The following CLHC1 variants were observed in gnomAD, a reference collection of about 807,000 sequenced individuals.
CLHC1 encodes clathrin heavy chain linker domain-containing protein 1.
Under a neutral mutation model 69.5 loss-of-function variants are expected in CLHC1, and 72 were observed. The ratio of observed to expected loss-of-function variants is 1.04; its 90% CI spans 0.86 to 1.26. The LOEUF (loss-of-function observed/expected upper bound fraction) is 1.26, where lower values mean the gene tolerates loss of function less well. Among genes scored for constraint, CLHC1 ranks in the 50% most tolerant of loss-of-function variants. CLHC1 has a pLI of 0.00. For missense variants in CLHC1, 790 were observed against 679.3 expected (o/e 1.16, Z -1.81); for synonymous variants, 223 against 224.3 (o/e 0.99, Z 0.05).
chr2:55,210,465 G>A (rs1265198509), intron 5 of CLHC1, among the ~76,000 whole-genome samples: 1 of 152,062 alleles, frequency 6.6e-6, no homozygotes, highest in Non-Finnish European at 1.5e-5. Flanking sequence ...CAAAGTGCTG[G>A]GATTACAGGT....
At chr2:55,217,552 A>ATACATATATATAT (rs1444474980) in intron 4 of CLHC1, among the ~76,000 whole-genome samples, 1 of 43,156 alleles carries the variant, frequency 2.3e-5, no homozygotes, top group African/African-American at 1.2e-4. Flanking sequence ...AAAAAAAAAA[A>ATACATATATATAT]ATATATATAT....
rs746120253 is a variant in CLHC1 at position 55,177,622 on chromosome 2, T to C, written c.1544A>G (p.Glu515Gly). 5 of 1,604,756 alleles carry C rather than the reference T, an allele frequency of 3.1e-6. No homozygotes were observed. The highest frequency in any genetic ancestry group is 1.1e-5 in the South Asian group (1 of 89,904). ...CTTACCTATCCCACCTTTATTGATTTCTTGAAGTAGCTTAATGCCAACTTT... is the reference window on the plus strand; with the variant it reads ...CTTACCTATCCCACCTTTATTGATTCCTTGAAGTAGCTTAATGCCAACTTT... The part of the protein sequence containing the change: ...MKKVGIKLLQ[E>G]INKGGIDAVE... The change falls in exon 12 of 13, where the codon GAA becomes GGA. Residue 515 changes from glutamate (E) to glycine (G), a missense_variant. Glu to Gly is a moderately conservative substitution (Grantham distance 98). Coordinates refer to ENST00000401408, the MANE Select transcript of CLHC1 (RefSeq NM_152385.4).
intron 3 of CLHC1, among the ~76,000 whole-genome samples, chr2:55,221,820 T>G (rs1325862719): frequency 2.0e-5 from 3 of 151,944 alleles, no homozygotes; most frequent in East Asian, 3.9e-4. Context: ...TACAAAAAAT[T>G]TTAAAAATTA....
At chr2:55,225,932 C>T (rs1674648140) in intron 2 of CLHC1, 1 of 152,296 alleles carries the variant, frequency 6.6e-6, no homozygotes, top group South Asian at 2.1e-4. Flanking sequence ...GTAGCTCACG[C>T]CTGTAGTCCC....
chr2:55,191,719 G>T (rs1670947815), intron 9 of CLHC1, among the ~76,000 whole-genome samples: 1 of 151,616 alleles, frequency 6.6e-6, no homozygotes, highest in Non-Finnish European at 1.5e-5. Context: ...ACAATAATGA[G>T]TTATATAGCT....
intron 3 of CLHC1, among the ~76,000 whole-genome samples, chr2:55,218,953 G>C (rs1673848236): frequency 6.6e-6 from 1 of 152,006 alleles, no homozygotes. Flanking sequence ...GCAATATCTA[G>C]AAAAAATTAT....
In CLHC1 at chr2:55,208,673, A is replaced by T. The variant is rs150293372; in HGVS notation, c.852T>A (p.Asp284Glu). The change falls in exon 8 of 13, where the codon GAT becomes GAA. Residue 284 changes from aspartate (D) to glutamate (E), a missense_variant. By Grantham distance (45) the Asp-to-Glu change is conservative. Coordinates refer to ENST00000401408, the MANE Select transcript of CLHC1 (RefSeq NM_152385.4). ...TTTCAGCTTCTTTTGCCCTGCGTGGATCATCTTCCATTAGTTCTTCAACAA... is the reference window on the plus strand; with the variant it reads ...TTTCAGCTTCTTTTGCCCTGCGTGGTTCATCTTCCATTAGTTCTTCAACAA... ...QGIVEELMED[D>E]PRRAKEAEIM... is the part of the protein sequence containing the mutation. The T allele has an allele frequency of 3.7e-5, 59 of 1,612,578 alleles. 1 individual carries two copies. In the African/African-American group the frequency reaches 7.1e-4, roughly 19 times the overall value.
chr2:55,180,993 T>A (rs988832782), intron 10 of CLHC1, among the ~76,000 whole-genome samples: 1 of 152,148 alleles, frequency 6.6e-6, no homozygotes, highest in Non-Finnish European at 1.5e-5. Context: ...TATATATATA[T>A]ATTTTTAGAT....
chr2:55,183,937 C>T (rs985514059), intron 9 of CLHC1, among the ~76,000 whole-genome samples: 5 of 152,038 alleles, frequency 3.3e-5, no homozygotes, highest in Admixed American at 6.6e-5. Context: ...CGTGCTACCA[C>T]GCCCGGCTAA....
intron 12 of CLHC1, among the ~76,000 whole-genome samples, chr2:55,177,179 G>C (rs1317994685): frequency 6.6e-6 from 1 of 152,086 alleles, no homozygotes; most frequent in Non-Finnish European, 1.5e-5. Flanking sequence ...AGCCTAATTA[G>C]TTATTCTCTA....
intron 5 of CLHC1, among the ~76,000 whole-genome samples, chr2:55,211,316 A>C (rs1672979498): frequency 6.6e-6 from 1 of 152,030 alleles, no homozygotes; most frequent in South Asian, 2.1e-4. Context: ...CATGGCTAAC[A>C]CGGTGAAACC....
intron 1 of CLHC1, among the ~76,000 whole-genome samples, chr2:55,230,596 G>C (rs899135562): frequency 1.3e-5 from 2 of 152,174 alleles, no homozygotes; most frequent in African/African-American, 2.4e-5. Flanking sequence ...ACTGGGCCTT[G>C]GGGATACTCC....
intron 4 of CLHC1, among the ~76,000 whole-genome samples, chr2:55,214,219 A>T (rs1238579459): frequency 6.6e-6 from 1 of 152,184 alleles, no homozygotes; most frequent in Non-Finnish European, 1.5e-5. Flanking sequence ...CAAATTAAAA[A>T]CAAGTTTGGG....
At chr2:55,203,159 AGGACACACAAAAAAT>A (rs1416225515) in intron 9 of CLHC1, among the ~76,000 whole-genome samples, 1 of 152,224 alleles carries the variant, frequency 6.6e-6, no homozygotes, top group Non-Finnish European at 1.5e-5. Flanking sequence ...GAAACTGAAG[AGGACACACAAAAAAT>A]GGAAACATAT....
intron 8 of CLHC1, among the ~76,000 whole-genome samples, chr2:55,207,647 A>C (rs921165448): frequency 6.6e-6 from 1 of 152,184 alleles, no homozygotes; most frequent in Non-Finnish European, 1.5e-5. Context: ...CCTCTTAAAG[A>C]ATATAGTCTT....
intron 2 of CLHC1, among the ~76,000 whole-genome samples, chr2:55,226,922 T>G (rs940551379): frequency 7.9e-5 from 12 of 152,238 alleles, no homozygotes; most frequent in African/African-American, 2.9e-4. Flanking sequence ...CATGAGCCAC[T>G]GCACCTGGCT....
In CLHC1 at chr2:55,173,829, A is replaced by G. The variant is rs1194845357; in HGVS notation, c.*1961T>C. On this transcript the variant is annotated 3_prime_UTR_variant, in exon 13 of 13. Transcript: ENST00000401408. ...GCTGCCAAAGGCAATGCTAACTGAG[A>G]AGGAGTAATAATGAGAAAAGGAAAA... is the stretch of plus-strand genomic sequence containing the variant. Among the ~76,000 whole-genome samples, 1 of 152,232 alleles carries G rather than the reference A, an allele frequency of 6.6e-6. No individual in the cohort carries two copies. Among genetic ancestry groups the G allele is most frequent in the Non-Finnish European group, 1.5e-5 (1 of 68,040 alleles).
intron 1 of CLHC1, among the ~76,000 whole-genome samples, chr2:55,230,158 C>T (rs116148251): frequency 0.014 from 2,067 of 152,270 alleles, 57 homozygotes; most frequent in African/African-American, 0.048. Flanking sequence ...AGTGCTGTTA[C>T]GAAGCTACTG....
At chr2:55,203,614 A>G (rs1442725688) in intron 9 of CLHC1, among the ~76,000 whole-genome samples, 1 of 152,218 alleles carries the variant, frequency 6.6e-6, no homozygotes, top group Non-Finnish European at 1.5e-5. Context: ...CCATATGCAG[A>G]AAAATGAAAC....
Sources: allele counts gnomAD v4.1 joint callset (sites outside exome capture counted in the v4.1 genomes callset), GRCh38; gene constraint gnomAD v4.1.1; transcripts MANE v1.5; gene names NCBI Gene and HGNC (gene_info 2026-07-23, HGNC 2026-07-21).